Variants in PREX2 observed in about 807,000 individuals in gnomAD.
PREX2 encodes phosphatidylinositol-3,4,5-trisphosphate dependent Rac exchange factor 2, also known as phosphatidylinositol 3,4,5-trisphosphate-dependent Rac exchanger 2 protein.
A neutral mutation model predicts 203.2 loss-of-function variants in PREX2; 107 were observed. The observed-to-expected ratio is 0.53, with a 90% confidence interval of 0.45 to 0.62. The LOEUF is 0.62. Ranked by LOEUF, PREX2 falls within the 20% of genes least tolerant of loss-of-function variation. The probability of loss-of-function intolerance (pLI) is 0.00; values close to 1 mark genes in which losing one functional copy is unlikely to be tolerated. For synonymous variants in PREX2, 672 were observed against 663.6 expected, an observed-to-expected ratio of 1.01 and a Z score of -0.19; for missense variants, 1,777 against 1,955.9, an observed-to-expected ratio of 0.91 and a Z score of 1.72.
At chr8:67,958,677 C>T (rs1489877923) in intron 1 of PREX2, among the ~76,000 whole-genome samples, 1 of 152,092 alleles carries the variant, frequency 6.6e-6, no homozygotes, top group Non-Finnish European at 1.5e-5. Flanking sequence ...AAACCCAAAC[C>T]AAACCACAAA....
chr8:68,021,915 C>A, intron 3 of PREX2, 121 bp from the exon 4 acceptor site: 1 of 598,904 alleles, frequency 1.7e-6, no homozygotes, highest in Non-Finnish European at 3.0e-6. Context: ...TAGCTGTATA[C>A]ACGCAGTATA....
chr8:68,196,178 C>T (rs1385901403), intron 37 of PREX2, among the ~76,000 whole-genome samples: 1 of 151,922 alleles, frequency 6.6e-6, no homozygotes, highest in Non-Finnish European at 1.5e-5. Context: ...AGTTTAATGT[C>T]ATCATTGCTA....
chr8:68,204,678 C>CTTTTTTTTTTTTTTTTTTTTTTTT (rs1192583427), intron 37 of PREX2, among the ~76,000 whole-genome samples: 21 of 83,424 alleles, frequency 2.5e-4, no homozygotes, highest in Non-Finnish European at 3.0e-4. Flanking sequence ...TTTCTTCTTT[C>CTTTTTTTTTTTTTTTTTTTTTTTT]TTTTTTTTTT....
chr8:68,007,161 T>C (rs1025444844), intron 1 of PREX2, among the ~76,000 whole-genome samples: 3 of 152,228 alleles, frequency 2.0e-5, no homozygotes, highest in Non-Finnish European at 2.9e-5. Context: ...GAAGTATTTA[T>C]GATATTTCAT....
intron 1 of PREX2, among the ~76,000 whole-genome samples, chr8:68,011,429 A>AT (rs1423899238): frequency 1.8e-5 from 2 of 113,026 alleles, no homozygotes; most frequent in African/African-American, 6.7e-5. Context: ...TGGGCTTTGT[A>AT]TTTAAAAAAA....
chr8:67,976,758 C>CAG lies in PREX2; in HGVS notation c.141+24235_141+24236dup, dbSNP rs538917016. On this transcript the variant is annotated intron_variant, in intron 1 of 39. Transcript: ENST00000288368. ...GAGAGAGAGAGAGATGCGAGAGAGA[C>CAG]AGAGAGAGAGAGACAGAGACAGAGA... Among the ~76,000 whole-genome samples, 4 of 73,422 alleles carry CAG rather than the reference C, an allele frequency of 5.4e-5. 1 individual carries two copies. Among genetic ancestry groups the CAG allele is most frequent in the Non-Finnish European group, 8.9e-5 (3 of 33,886 alleles). The allele number at this position is 73,422 out of a possible 152,430, so 48.2% of individuals were successfully genotyped here.
At chr8:68,121,239 A>G (rs1810767967) in intron 30 of PREX2, among the ~76,000 whole-genome samples, 190 bp downstream of exon 30, 3 of 152,148 alleles carry the variant, frequency 2.0e-5, no homozygotes. Flanking sequence ...TTGTGTCCCA[A>G]GGTTATAAAC....
In PREX2 at chr8:68,207,479, A is replaced by G. The variant is rs529349374; in HGVS notation, c.4605-10137A>G. ...ATTAGGAATTCATGTAATTTTTAAA[A>G]TAAGTATGTATTGAATGCTTACTGA... On this transcript the variant is annotated intron_variant, in intron 37 of 39. Coordinates refer to ENST00000288368, the MANE Select transcript of PREX2 (RefSeq NM_024870.4). 6.6e-5 allele frequency among the ~76,000 whole-genome samples: 10 copies of G among 152,288 alleles called. No homozygotes were observed. In the East Asian group the frequency reaches 1.9e-3, roughly 29 times the overall value.
intron 1 of PREX2, among the ~76,000 whole-genome samples, chr8:67,983,770 G>C (rs978232980): frequency 6.6e-6 from 1 of 152,194 alleles, no homozygotes; most frequent in South Asian, 2.1e-4. Flanking sequence ...AGTGATTAGG[G>C]TTGTGAGCTC....
intron 6 of PREX2, among the ~76,000 whole-genome samples, chr8:68,036,847 G>T (rs1269761850): frequency 6.6e-6 from 1 of 152,128 alleles, no homozygotes; most frequent in African/African-American, 2.4e-5. Context: ...GGAGGCTGAG[G>T]CAGGAGAATC....
chr8:68,197,137 T>A (rs1812412329), intron 37 of PREX2, among the ~76,000 whole-genome samples: 1 of 151,698 alleles, frequency 6.6e-6, no homozygotes, highest in African/African-American at 2.4e-5. Context: ...ACCTATTTTA[T>A]AAGGGTGTTA....
intron 31 of PREX2, 101 bp from the exon 32 acceptor site, chr8:68,133,958 A>G: frequency 1.1e-6 from 1 of 878,866 alleles, no homozygotes. Context: ...GCGTGAGTTT[A>G]GTGAAAAGAT....
chr8:68,065,072 A>G (rs775460345), intron 11 of PREX2, among the ~76,000 whole-genome samples: 9 of 152,218 alleles, frequency 5.9e-5, no homozygotes, highest in Non-Finnish European at 1.2e-4. Flanking sequence ...TGCTAGATAA[A>G]TTGGGAGAGC....
Position 68,218,364 on chromosome 8 carries a change from T to TA in PREX2, c.4707+652dup, listed in dbSNP as rs560927160. ...TAGTTTTTACCCCTTAAAGTTATTT[T>TA]AAAAAATGCACTAAGCTCCAATTTA... On this transcript the variant is annotated intron_variant, in intron 38 of 39. Coordinates refer to ENST00000288368, the MANE Select transcript of PREX2 (RefSeq NM_024870.4). Among the ~76,000 whole-genome samples the TA allele has an allele frequency of 1.2e-4, 19 of 152,280 alleles. No individual in the cohort carries two copies. The East Asian group carries it at 3.5e-3, about 28-fold the overall frequency.
At position 67,975,694 on chromosome 8, in the gene PREX2, CTTTTTTTTTTTTT is replaced by C. The variant is rs67614434; in HGVS notation, c.141+23174_141+23186del. ...TCAGGATAGTAACTGATTTCTCTTT[CTTTTTTTTTTTTT>C]TTTTTTTTTTTTTTGAGATGGAGTC... On this transcript the variant is annotated intron_variant, in intron 1 of 39. Coordinates refer to ENST00000288368, the MANE Select transcript of PREX2 (RefSeq NM_024870.4). Among the ~76,000 whole-genome samples the C allele has an allele frequency of 9.3e-5, 7 of 75,016 alleles. 1 individual carries two copies. The South Asian group carries it at 2.6e-3, about 28-fold the overall frequency. 49.2% of individuals were successfully genotyped at this position (75,016 alleles called of 152,430 possible).
At chr8:67,980,904 C>T (rs776798857) in intron 1 of PREX2, among the ~76,000 whole-genome samples, 1 of 152,192 alleles carries the variant, frequency 6.6e-6, no homozygotes, top group African/African-American at 2.4e-5. Context: ...ATTACTCAGT[C>T]TTGGGTATTT....
chr8:68,095,525 A>G (rs1368585064), intron 21 of PREX2, among the ~76,000 whole-genome samples: 3 of 144,994 alleles, frequency 2.1e-5, no homozygotes, highest in Non-Finnish European at 3.0e-5. Context: ...ACATACATAC[A>G]TACATACATA....
chr8:68,161,109 G>A (rs527877556), intron 35 of PREX2, among the ~76,000 whole-genome samples: 2 of 150,110 alleles, frequency 1.3e-5, no homozygotes, highest in South Asian at 2.1e-4. Context: ...TTTTTTTTGG[G>A]GGGGGGACAG....
At chr8:68,157,263 A>C in intron 34 of PREX2, 59 bp from the exon 35 acceptor site, 58 of 781,908 alleles carry the variant, frequency 7.4e-5, no homozygotes, top group Non-Finnish European at 1.2e-4. Context: ...AAATTATACT[A>C]CACGTGGAGA....
Sources: allele counts gnomAD v4.1 joint callset (sites outside exome capture counted in the v4.1 genomes callset), GRCh38; gene constraint gnomAD v4.1.1; transcripts MANE v1.5; gene names NCBI Gene and HGNC (gene_info 2026-07-23, HGNC 2026-07-21).